The following GALNT17 variants were observed in gnomAD, a reference collection of about 807,000 sequenced individuals.
The protein encoded by GALNT17 is UDP-GalNAc:polypeptide N-acetylgalactosaminyltransferase-like 3.
GALNT17 carries 29 observed loss-of-function variants against 63.7 expected under a neutral mutation model. That is an observed-to-expected ratio of 0.46 (90% confidence interval 0.34 to 0.62). GALNT17 has a LOEUF of 0.62. Among genes scored for constraint, GALNT17 ranks in the 20% least tolerant of loss-of-function variants. The pLI, the probability that GALNT17 is intolerant of heterozygous loss-of-function variation, is 0.01. For synonymous variants in GALNT17, 305 were observed against 318.3 expected (o/e 0.96, Z 0.45); for missense variants, 603 against 799.6 (o/e 0.75, Z 2.97).
rs138336408 is a variant in GALNT17 at position 71,189,276 on chromosome 7, G to A, written c.238+56236G>A. Among the ~76,000 whole-genome samples the A allele has an allele frequency of 2.4e-3, 369 of 152,240 alleles. 4 individuals are homozygous for A. The highest frequency in any genetic ancestry group is 8.3e-3 in the African/African-American group (346 of 41,544). ...AGATGTGCCTTTCACCTTCTGCCAT[G>A]ATTGTGAAGCCTCCCCAGCCACATG... is the stretch of plus-strand genomic sequence containing the variant. On this transcript the variant is annotated intron_variant, in intron 1 of 10. Transcript: ENST00000333538.
At chr7:71,711,965 G>C in intron 10 of GALNT17, 53 bp from the exon 11 acceptor site, 1 of 1,585,680 alleles carries the variant, frequency 6.3e-7, no homozygotes, top group Non-Finnish European at 8.6e-7. Context: ...ATCTCTCGCT[G>C]TCTCTCTCTC....
chr7:71,167,338 G>A (rs1317832132), intron 1 of GALNT17, among the ~76,000 whole-genome samples: 1 of 152,048 alleles, frequency 6.6e-6, no homozygotes. Flanking sequence ...TCATGTCCCA[G>A]GTGACTAATG....
chr7:71,170,707 G>A (rs1298369129), intron 1 of GALNT17, among the ~76,000 whole-genome samples: 1 of 152,092 alleles, frequency 6.6e-6, no homozygotes, highest in Non-Finnish European at 1.5e-5. Context: ...GTCCTGATAA[G>A]GGATGCTTGA....
At chr7:71,468,067 AC>A (rs796263067) in intron 5 of GALNT17, among the ~76,000 whole-genome samples, 24 of 152,200 alleles carry the variant, frequency 1.6e-4, no homozygotes, top group African/African-American at 5.3e-4. Flanking sequence ...TTGCTCTGTC[AC>A]CCAGGCTGGA....
chr7:71,487,888 C>T (rs191553087), intron 5 of GALNT17, among the ~76,000 whole-genome samples: 1 of 152,176 alleles, frequency 6.6e-6, no homozygotes, highest in Admixed American at 6.5e-5. Context: ...AGTTTTGGAG[C>T]CGGGCATGGT....
At chr7:71,627,947 G>T (rs73371247) in intron 6 of GALNT17, among the ~76,000 whole-genome samples, 7 of 152,122 alleles carry the variant, frequency 4.6e-5, no homozygotes, top group African/African-American at 1.7e-4. Context: ...GTTCTTGAAG[G>T]GGGGTGCAAA....
At chr7:71,236,297 G>A (rs1041293430) in intron 1 of GALNT17, among the ~76,000 whole-genome samples, 9 of 152,106 alleles carry the variant, frequency 5.9e-5, no homozygotes, top group African/African-American at 2.2e-4. Context: ...CCCTATCTCA[G>A]GGTATTTTAA....
intron 6 of GALNT17, among the ~76,000 whole-genome samples, chr7:71,600,299 T>TA (rs202191487): frequency 0.036 from 5,206 of 142,650 alleles, 284 homozygotes; most frequent in African/African-American, 0.12. Flanking sequence ...GGGATGATAA[T>TA]AAAAAAAAAA....
At chr7:71,271,961 G>A (rs1790601099) in intron 1 of GALNT17, among the ~76,000 whole-genome samples, 1 of 152,182 alleles carries the variant, frequency 6.6e-6, no homozygotes, top group South Asian at 2.1e-4. Flanking sequence ...GTCTCCCTAT[G>A]TTGGCCAGGC....
At chr7:71,228,693 C>G (rs1404519624) in intron 1 of GALNT17, among the ~76,000 whole-genome samples, 1 of 152,204 alleles carries the variant, frequency 6.6e-6, no homozygotes, top group Non-Finnish European at 1.5e-5. Flanking sequence ...CACCTCAACT[C>G]TTTTCTCCTG....
intron 2 of GALNT17, among the ~76,000 whole-genome samples, chr7:71,363,676 A>G (rs1792448287): frequency 6.6e-6 from 1 of 152,240 alleles, no homozygotes; most frequent in South Asian, 2.1e-4. Flanking sequence ...AAAACCCTAG[A>G]CAAATTAAAT....
intron 5 of GALNT17, among the ~76,000 whole-genome samples, chr7:71,533,021 G>C (rs939346380): frequency 6.6e-6 from 1 of 152,038 alleles, no homozygotes; most frequent in East Asian, 1.9e-4. Context: ...GTTTCTCTTT[G>C]ACTAAACACT....
intron 6 of GALNT17, among the ~76,000 whole-genome samples, chr7:71,623,103 A>C (rs577368756): frequency 6.6e-6 from 1 of 152,076 alleles, no homozygotes; most frequent in South Asian, 2.1e-4. Flanking sequence ...ATGAGCTCCT[A>C]AGTTCCCTGA....
intron 4 of GALNT17, among the ~76,000 whole-genome samples, chr7:71,417,359 G>A (rs1009738300): frequency 6.6e-6 from 1 of 152,136 alleles, no homozygotes; most frequent in Admixed American, 6.5e-5. Flanking sequence ...GCATGCTGGG[G>A]TCTATTGCCA....
At chr7:71,263,825 G>A (rs183259937) in intron 1 of GALNT17, among the ~76,000 whole-genome samples, 4 of 152,234 alleles carry the variant, frequency 2.6e-5, no homozygotes, top group Non-Finnish European at 4.4e-5. Flanking sequence ...TTGGGAGGCT[G>A]AGGCAGGAGA....
chr7:71,492,910 G>A (rs1017854871), intron 5 of GALNT17, among the ~76,000 whole-genome samples: 7 of 152,180 alleles, frequency 4.6e-5, no homozygotes, highest in Admixed American at 4.6e-4. Context: ...TGGGGGCCAG[G>A]GGATCCGCTA....
At chr7:71,157,640 G>A (rs1054451991) in intron 1 of GALNT17, among the ~76,000 whole-genome samples, 5 of 149,808 alleles carry the variant, frequency 3.3e-5, no homozygotes, top group Non-Finnish European at 5.9e-5. Flanking sequence ...CCTGGGTGAC[G>A]GAGTGAGACT....
At chr7:71,420,005 G>A (rs558843062) in intron 4 of GALNT17, among the ~76,000 whole-genome samples, 7 of 152,202 alleles carry the variant, frequency 4.6e-5, no homozygotes, top group Non-Finnish European at 8.8e-5. Context: ...TCCCGATAAT[G>A]CAGAGGAATG....
At chr7:71,552,250 G>A (rs1241945585) in intron 5 of GALNT17, among the ~76,000 whole-genome samples, 4 of 151,828 alleles carry the variant, frequency 2.6e-5, no homozygotes. Context: ...TGGCCATGTT[G>A]GCCAGGCTGG....
Sources: allele counts gnomAD v4.1 joint callset (sites outside exome capture counted in the v4.1 genomes callset), GRCh38; gene constraint gnomAD v4.1.1; transcripts MANE v1.5; gene names NCBI Gene and HGNC (gene_info 2026-07-23, HGNC 2026-07-21).